SLC24A3: variants seen among roughly 807,000 people sequenced by gnomAD.
The protein encoded by SLC24A3 is sodium/potassium/calcium exchanger 3.
A neutral mutation model predicts 75.8 loss-of-function variants in SLC24A3; 28 were observed. The ratio of observed to expected loss-of-function variants is 0.37; its 90% CI spans 0.27 to 0.51. The LOEUF (loss-of-function observed/expected upper bound fraction) is 0.51. Among genes scored for constraint, SLC24A3 ranks in the 20% least tolerant of loss-of-function variants. The pLI is 0.94. For synonymous variants in SLC24A3, 372 were observed against 334.1 expected (o/e 1.11, Z -1.24); for missense variants, 663 against 847.8 (o/e 0.78, Z 2.71).
At chr20:19,442,299 A>G (rs1177461130) in intron 2 of SLC24A3, among the ~76,000 whole-genome samples, 1 of 152,166 alleles carries the variant, frequency 6.6e-6, no homozygotes, top group Non-Finnish European at 1.5e-5. Context: ...ATCTTCCAAT[A>G]TGGCTGTACC....
intron 2 of SLC24A3, among the ~76,000 whole-genome samples, chr20:19,368,004 C>G (rs1171310021): frequency 1.3e-5 from 2 of 152,138 alleles, no homozygotes; most frequent in Non-Finnish European, 2.9e-5. Flanking sequence ...AAAATATACT[C>G]TCTTGGAATA....
At chr20:19,507,499 C>A (rs911636925) in intron 2 of SLC24A3, among the ~76,000 whole-genome samples, 1 of 152,234 alleles carries the variant, frequency 6.6e-6, no homozygotes, top group Admixed American at 6.5e-5. Flanking sequence ...GTATCAGTCA[C>A]TCAGGGATCC....
At chr20:19,401,180 G>A (rs1479105921) in intron 2 of SLC24A3, among the ~76,000 whole-genome samples, 2 of 152,158 alleles carry the variant, frequency 1.3e-5, no homozygotes, top group Admixed American at 6.5e-5. Context: ...TCATGAGACA[G>A]TTCCTAGAAT....
At chr20:19,467,962 G>C (rs1436680281) in intron 2 of SLC24A3, among the ~76,000 whole-genome samples, 1 of 152,044 alleles carries the variant, frequency 6.6e-6, no homozygotes, top group Non-Finnish European at 1.5e-5. Context: ...AGCCAGTGAG[G>C]TATGTCCTAG....
chr20:19,421,589 G>T (rs554613677), intron 2 of SLC24A3, among the ~76,000 whole-genome samples: 102 of 152,174 alleles, frequency 6.7e-4, no homozygotes, highest in Non-Finnish European at 1.2e-3. Flanking sequence ...AGCTAATATT[G>T]TTGCAGGACT....
At chr20:19,288,885 C>G (rs1218221673) in intron 2 of SLC24A3, among the ~76,000 whole-genome samples, 1 of 152,190 alleles carries the variant, frequency 6.6e-6, no homozygotes, top group Non-Finnish European at 1.5e-5. Flanking sequence ...TTATGTGTTT[C>G]TATGGCAACT....
intron 3 of SLC24A3, among the ~76,000 whole-genome samples, chr20:19,556,653 C>G (rs983086556): frequency 6.6e-6 from 1 of 151,170 alleles, no homozygotes; most frequent in Non-Finnish European, 1.5e-5. Flanking sequence ...CTGCTACAAA[C>G]GGCTTGTCAC....
intron 1 of SLC24A3, among the ~76,000 whole-genome samples, chr20:19,280,672 CAG>C (rs1236329221): frequency 6.6e-6 from 1 of 152,158 alleles, no homozygotes; most frequent in Non-Finnish European, 1.5e-5. Flanking sequence ...GGAATTGAGA[CAG>C]GGAATGGGGG....
chr20:19,349,447 C>G (rs1316744964), intron 2 of SLC24A3, among the ~76,000 whole-genome samples: 2 of 152,182 alleles, frequency 1.3e-5, no homozygotes, highest in African/African-American at 4.8e-5. Context: ...AATCTCTTTG[C>G]CTGAGGGTTC....
intron 6 of SLC24A3, among the ~76,000 whole-genome samples, chr20:19,590,129 C>T (rs937350870): frequency 2.7e-5 from 4 of 149,648 alleles, no homozygotes; most frequent in East Asian, 2.1e-4. Flanking sequence ...AAAGTAATTG[C>T]GGTTTTTGCC....
At chr20:19,461,620 C>T (rs933245951) in intron 2 of SLC24A3, among the ~76,000 whole-genome samples, 5 of 151,054 alleles carry the variant, frequency 3.3e-5, no homozygotes, top group Admixed American at 1.3e-4. Context: ...GCAACCTCCA[C>T]CCCCTGGGCT....
intron 3 of SLC24A3, among the ~76,000 whole-genome samples, chr20:19,546,179 A>AAAAAAAAAAAAAAAAAAAAAAAAAAAAAC: frequency 6.8e-6 from 1 of 147,466 alleles, no homozygotes; most frequent in Non-Finnish European, 1.5e-5. Flanking sequence ...AAAAAAAAAA[A>AAAAAAAAAAAAAAAAAAAAAAAAAAAAAC]AAAAAAAAAC....
intron 1 of SLC24A3, among the ~76,000 whole-genome samples, 183 bp from the exon 2 acceptor site, chr20:19,280,776 C>T (rs572746315): frequency 6.6e-6 from 1 of 152,324 alleles, no homozygotes; most frequent in South Asian, 2.1e-4. Context: ...CAGCTTAGAA[C>T]ATACACCTCA....
At chr20:19,446,835 T>G (rs1987395148) in intron 2 of SLC24A3, among the ~76,000 whole-genome samples, 1 of 152,252 alleles carries the variant, frequency 6.6e-6, no homozygotes, top group Admixed American at 6.5e-5. Flanking sequence ...CCAAAAGGCT[T>G]TCGCGTGCAC....
In SLC24A3 at chr20:19,681,720, A is replaced by G. The variant is rs981525301; in HGVS notation, c.768-138A>G. ...ATATTCTGAGGGGGAATGGGTTGAGAAAATTAGAACACTAATAACTTGAGG... is the reference window on the plus strand; with the variant it reads ...ATATTCTGAGGGGGAATGGGTTGAGGAAATTAGAACACTAATAACTTGAGG... On this transcript the variant is annotated intron_variant, in intron 9 of 16. Coordinates refer to ENST00000328041, the MANE Select transcript of SLC24A3 (RefSeq NM_020689.4). 2.9e-6 allele frequency: 4 copies of G among 1,373,662 alleles called. No homozygotes were observed. In the African/African-American group the frequency reaches 4.3e-5, roughly 15 times the overall value. The allele number at this position is 1,373,662 out of a possible 1,614,324, so 85.1% of individuals were successfully genotyped here.
intron 4 of SLC24A3, among the ~76,000 whole-genome samples, chr20:19,584,464 A>C (rs2031265010): frequency 6.6e-6 from 1 of 152,102 alleles, no homozygotes; most frequent in Non-Finnish European, 1.5e-5. Flanking sequence ...AAAAATCAGG[A>C]AGTTTTGCAT....
chr20:19,323,566 T>TC (rs1187559938), intron 2 of SLC24A3, among the ~76,000 whole-genome samples: 4 of 152,002 alleles, frequency 2.6e-5, no homozygotes, highest in Admixed American at 2.6e-4. Flanking sequence ...CAGACAGCTG[T>TC]CCCCCCAGCA....
At chr20:19,300,025 A>G (rs1235350913) in intron 2 of SLC24A3, among the ~76,000 whole-genome samples, 3 of 152,200 alleles carry the variant, frequency 2.0e-5, no homozygotes, top group Admixed American at 1.3e-4. Flanking sequence ...ACCCAAAGCC[A>G]GGCACAATGA....
chr20:19,331,234 G>A (rs1487699399), intron 2 of SLC24A3, among the ~76,000 whole-genome samples: 1 of 152,200 alleles, frequency 6.6e-6, no homozygotes, highest in East Asian at 1.9e-4. Context: ...GTGTGCTGTG[G>A]TCATGTTAGG....
Sources: gnomAD v4.1 joint callset for allele counts (sites outside exome capture counted in the v4.1 genomes callset) on GRCh38, gnomAD v4.1.1 for gene constraint, MANE v1.5 for transcripts, NCBI Gene and HGNC (gene_info 2026-07-23, HGNC 2026-07-21) for gene names.